Variants in CCSER1 observed in about 807,000 individuals in gnomAD.
CCSER1 encodes coiled-coil serine rich protein 1, also known as serine-rich coiled-coil domain-containing protein 1.
A neutral mutation model predicts 82.0 loss-of-function variants in CCSER1; 41 were observed. The observed-to-expected ratio is 0.50, with a 90% CI of 0.39 to 0.65. The LOEUF is 0.65. Among genes scored for constraint, CCSER1 ranks in the 30% least tolerant of loss-of-function variants. CCSER1 has a pLI of 0.00. For missense variants in CCSER1, 1,119 were observed against 1,064.2 expected, an observed-to-expected ratio of 1.05 and a Z score of -0.72; for synonymous variants, 414 against 383.9, an observed-to-expected ratio of 1.08 and a Z score of -0.92.
intron 4 of CCSER1, among the ~76,000 whole-genome samples, chr4:90,402,106 G>A (rs1578287845): frequency 6.6e-6 from 1 of 152,284 alleles, no homozygotes; most frequent in Middle Eastern, 3.4e-3. Flanking sequence ...TGGGTGGAGG[G>A]AAAATGTTAA....
At position 90,167,926 on chromosome 4, in the gene CCSER1, G is replaced by A. The variant is rs1408606530; in HGVS notation, c.-42+40095G>A. On this transcript the variant is annotated intron_variant, in intron 1 of 10. Transcript: ENST00000509176. ...TCTTTGCTATTGTGAATGGTGCCAC[G>A]ATAAACATACGTGTGCATGTGTCTT... Among the ~76,000 whole-genome samples the A allele has an allele frequency of 1.2e-4, 18 of 152,000 alleles. No homozygotes were observed. The South Asian group carries it at 2.9e-3, about 25-fold the overall frequency.
At chr4:90,603,402 C>T (rs891825020) in intron 5 of CCSER1, among the ~76,000 whole-genome samples, 1 of 152,146 alleles carries the variant, frequency 6.6e-6, no homozygotes, top group African/African-American at 2.4e-5. Context: ...TGTCCTCAGC[C>T]CTGCCAGAGA....
chr4:91,265,989 A>AG (rs1741542387), intron 10 of CCSER1, among the ~76,000 whole-genome samples: 1 of 152,112 alleles, frequency 6.6e-6, no homozygotes, highest in Non-Finnish European at 1.5e-5. Flanking sequence ...AAGAGAAAGA[A>AG]GAGAAAGTAG....
chr4:90,959,909 C>T lies in CCSER1; in HGVS notation c.2172+36462C>T, dbSNP rs561557344. The stretch of plus-strand genomic sequence containing the variant: ...CTTTGTATTCTGGAGCTTCTTTCCA[C>T]GTTACTGCGTCTGCTTCAATCTAAT... On this transcript the variant is annotated intron_variant, in intron 9 of 10. Transcript: ENST00000509176. 1.4e-4 allele frequency among the ~76,000 whole-genome samples: 22 copies of T among 152,226 alleles called. No individual in the cohort carries two copies. The South Asian group carries it at 4.4e-3, about 30-fold the overall frequency.
At chr4:91,112,059 T>C (rs1726142651) in intron 10 of CCSER1, among the ~76,000 whole-genome samples, 1 of 152,096 alleles carries the variant, frequency 6.6e-6, no homozygotes, top group Non-Finnish European at 1.5e-5. Flanking sequence ...AGCTCTGCCT[T>C]TAAACCTTAA....
intron 5 of CCSER1, among the ~76,000 whole-genome samples, chr4:90,497,944 AGT>A (rs1769283413): frequency 6.7e-6 from 1 of 148,788 alleles, no homozygotes; most frequent in Non-Finnish European, 1.5e-5. Context: ...AATCATGAAC[AGT>A]CTCTTTTTTT....
chr4:91,075,517 A>T (rs938375784), intron 9 of CCSER1, among the ~76,000 whole-genome samples: 1 of 152,086 alleles, frequency 6.6e-6, no homozygotes, highest in Non-Finnish European at 1.5e-5. Flanking sequence ...TGTGAATCTT[A>T]TATTAATATT....
intron 6 of CCSER1, among the ~76,000 whole-genome samples, chr4:90,719,872 G>T (rs1742359886): frequency 6.6e-6 from 1 of 152,062 alleles, no homozygotes; most frequent in Non-Finnish European, 1.5e-5. Context: ...CTGAGGGTGG[G>T]AATAGGGTGT....
chr4:90,938,141 C>A (rs1731179005), intron 9 of CCSER1, among the ~76,000 whole-genome samples: 1 of 151,958 alleles, frequency 6.6e-6, no homozygotes, highest in Admixed American at 6.6e-5. Flanking sequence ...TTTCTTATTA[C>A]TTAAAATTGC....
intron 1 of CCSER1, among the ~76,000 whole-genome samples, chr4:90,268,728 A>G (rs1003940092): frequency 5.9e-5 from 9 of 152,176 alleles, no homozygotes; most frequent in Non-Finnish European, 8.8e-5. Context: ...TAAATGGATT[A>G]CATGCACCAA....
intron 3 of CCSER1, among the ~76,000 whole-genome samples, chr4:90,377,214 T>A (rs1487098600): frequency 6.6e-6 from 1 of 152,210 alleles, no homozygotes; most frequent in Non-Finnish European, 1.5e-5. Flanking sequence ...TTTCAGACAC[T>A]GCACACACAT....
At position 91,594,329 on chromosome 4, in the gene CCSER1, GTACACACATATATATACATATATA is replaced by G. The variant is rs1342369071; in HGVS notation, c.2218-4236_2218-4213del. ...TGTATATGTGTATATATACATATAT[GTACACACATATATATACATATATA>G]TACACATATATATACACATATATAT... On this transcript the variant is annotated intron_variant, in intron 10 of 10. Transcript: ENST00000509176. Among the ~76,000 whole-genome samples, 65 of 145,614 alleles carry G rather than the reference GTACACACATATATATACATATATA, an allele frequency of 4.5e-4. 1 individual carries two copies. The East Asian group carries it at 8.5e-3, about 19-fold the overall frequency.
At chr4:91,317,858 A>G (rs1442097100) in intron 10 of CCSER1, among the ~76,000 whole-genome samples, 2 of 151,896 alleles carry the variant, frequency 1.3e-5, no homozygotes, top group African/African-American at 4.8e-5. Context: ...TGAAAATTAT[A>G]ATATATACAA....
At chr4:90,484,957 G>T (rs1279552653) in intron 5 of CCSER1, among the ~76,000 whole-genome samples, 1 of 152,206 alleles carries the variant, frequency 6.6e-6, no homozygotes, top group African/African-American at 2.4e-5. Flanking sequence ...TTGTTTGTCT[G>T]TGCCCAGCCC....
At chr4:90,962,644 A>G (rs1734160501) in intron 9 of CCSER1, among the ~76,000 whole-genome samples, 1 of 152,110 alleles carries the variant, frequency 6.6e-6, no homozygotes, top group Non-Finnish European at 1.5e-5. Context: ...ATCATTTGAA[A>G]TGTGTAATGT....
Position 91,077,069 on chromosome 4 carries a change from T to C in CCSER1, c.2173-8881T>C, listed in dbSNP as rs77967269. Among the ~76,000 whole-genome samples, 1,179 of 152,194 alleles carry C rather than the reference T, an allele frequency of 7.7e-3. 11 individuals carry two copies. Among genetic ancestry groups the C allele is most frequent in the African/African-American group, 0.026 (1,091 of 41,544 alleles). Reference sequence around the variant, plus strand: ...CACATGACCAGGCAAAGAACAACTGTGAGAAAAGAATAATTAGAGTGAACT... The same window carrying C: ...CACATGACCAGGCAAAGAACAACTGCGAGAAAAGAATAATTAGAGTGAACT... On this transcript the variant is annotated intron_variant, in intron 9 of 10. Coordinates refer to ENST00000509176, the MANE Select transcript of CCSER1 (RefSeq NM_001145065.2).
At chr4:91,108,318 T>G (rs1317701358) in intron 10 of CCSER1, among the ~76,000 whole-genome samples, 7 of 152,200 alleles carry the variant, frequency 4.6e-5, no homozygotes, top group African/African-American at 1.7e-4. Flanking sequence ...CTTGTCCATT[T>G]CTATATGGCA....
chr4:91,520,618 T>C (rs924080836), intron 10 of CCSER1, among the ~76,000 whole-genome samples: 8 of 152,358 alleles, frequency 5.3e-5, no homozygotes, highest in Admixed American at 2.0e-4. Flanking sequence ...TTACTTTTGC[T>C]CTTTGTTTCT....
intron 6 of CCSER1, among the ~76,000 whole-genome samples, chr4:90,644,629 C>T (rs1212841034): frequency 6.6e-6 from 1 of 152,104 alleles, no homozygotes; most frequent in East Asian, 1.9e-4. Context: ...CCTCCCCAAC[C>T]CCCAACAGGC....
Sources: gnomAD v4.1 joint callset for allele counts (sites outside exome capture counted in the v4.1 genomes callset) on GRCh38, gnomAD v4.1.1 for gene constraint, MANE v1.5 for transcripts, NCBI Gene and HGNC (gene_info 2026-07-23, HGNC 2026-07-21) for gene names.